Variants in SUPT5H observed in about 807,000 individuals in gnomAD.
The protein encoded by SUPT5H is transcription elongation factor SPT5.
SUPT5H carries 24 observed loss-of-function variants against 142.5 expected under a neutral mutation model. That is an observed-to-expected ratio of 0.17 (90% confidence interval 0.12 to 0.24). SUPT5H has a LOEUF of 0.24. Among genes scored for constraint, SUPT5H ranks in the 10% least tolerant of loss-of-function variants. SUPT5H has a pLI of 1.00. For missense variants in SUPT5H, 893 were observed against 1,471.8 expected (o/e 0.61, Z 6.43); for synonymous variants, 546 against 553.0 (o/e 0.99, Z 0.18).
In SUPT5H at chr19:39,445,853, C is replaced by G. The variant is rs370102876; in HGVS notation, c.-38C>G. The G allele has an allele frequency of 6.2e-7, 1 of 1,607,500 alleles. No homozygotes were observed. The stretch of plus-strand genomic sequence containing the variant: ...CGGGGTGGAGCGCAGGATTGTGGGA[C>G]GCGCCAAGGCTGCTGTCTTTCCCAG... On this transcript the variant is annotated 5_prime_UTR_variant, in exon 2 of 30. Transcript: ENST00000432763.
Position 39,445,981 on chromosome 19 carries a change from G to C in SUPT5H, c.75+16G>C, listed in dbSNP as rs112239537. The C allele has an allele frequency of 6.2e-7, 1 of 1,608,830 alleles. No individual in the cohort carries two copies. Among genetic ancestry groups the C allele is most frequent in the African/African-American group, 1.3e-5 (1 of 75,020 alleles). ...GGAGGCCGAGGTCTGTGGCTGGGGC[G>C]CTGGGGGAGACATTGCGTCTGGGGA... is the stretch of plus-strand genomic sequence containing the variant. On this transcript the variant is annotated intron_variant, in intron 2 of 29. Transcript: ENST00000432763.
intron 11 of SUPT5H, among the ~76,000 whole-genome samples, chr19:39,465,360 G>A (rs2079220684): frequency 6.6e-6 from 1 of 152,224 alleles, no homozygotes; most frequent in Non-Finnish European, 1.5e-5. Flanking sequence ...AGCAGGGATG[G>A]CGTGAGATGA....
Position 39,445,585 on chromosome 19 carries a change from C to G in SUPT5H, c.-140C>G, listed in dbSNP as rs1466192895. 5.1e-6 allele frequency: 2 copies of G among 390,382 alleles called. No homozygotes were observed. Among genetic ancestry groups the G allele is most frequent in the Non-Finnish European group, 9.7e-6 (2 of 205,780 alleles). The allele number at this position is 390,382 out of a possible 1,614,324, so 24.2% of individuals were successfully genotyped here. A position where few individuals can be genotyped will look rare whatever the true frequency, so the allele number is the denominator to read the frequency against. ...CGCGAGAGGACCCGTCAGCCCCAGT[C>G]AGGCGTCGTGCGAACAGCAGCTGGT... On this transcript the variant is annotated 5_prime_UTR_variant, in exon 1 of 30. Transcript: ENST00000432763.
intron 10 of SUPT5H, 113 bp from the exon 11 acceptor site, chr19:39,464,685 G>A: frequency 6.9e-7 from 1 of 1,440,454 alleles, no homozygotes; most frequent in Non-Finnish European, 9.4e-7. Flanking sequence ...CATTGTGCCA[G>A]TGTGTTTCTG....
Position 39,466,842 on chromosome 19 carries a change from G to T in SUPT5H, c.1037+97G>T. On this transcript the variant is annotated intron_variant, in intron 13 of 29. Coordinates refer to ENST00000432763, the MANE Select transcript of SUPT5H (RefSeq NM_001111020.3). This position sits in a 1 kb window ranked among gnomAD's most constrained non-coding sequence, Gnocchi z 4.3. ...CTCCCCAGGGGTGGCCCCGCCACAGGTTTAGCCTGTGAATTGGTTAGCTTG... is the reference window on the plus strand; with the variant it reads ...CTCCCCAGGGGTGGCCCCGCCACAGTTTTAGCCTGTGAATTGGTTAGCTTG... 2 of 1,189,064 alleles carry T rather than the reference G, an allele frequency of 1.7e-6. No homozygotes were observed. The highest frequency in any genetic ancestry group is 2.5e-6 in the Non-Finnish European group (2 of 798,758). 73.7% of individuals were successfully genotyped at this position (1,189,064 alleles called of 1,614,324 possible).
In SUPT5H at chr19:39,466,400, C is replaced by A; in HGVS notation, c.877-80C>A. On this transcript the variant is annotated intron_variant, in intron 11 of 29. Coordinates refer to ENST00000432763, the MANE Select transcript of SUPT5H (RefSeq NM_001111020.3). This position sits in a 1 kb window ranked among gnomAD's most constrained non-coding sequence, Gnocchi z 4.3. ...CACCATCCTGCGTCCCTTCTCCTTC[C>A]TAGCATCTCCTGACCCTTCTTGTGT... The A allele has an allele frequency of 7.4e-7, 1 of 1,359,518 alleles. No homozygotes were observed. The highest frequency in any genetic ancestry group is 1.0e-6 in the Non-Finnish European group (1 of 954,014). The allele number at this position is 1,359,518 out of a possible 1,614,324, so 84.2% of individuals were successfully genotyped here.
intron 28 of SUPT5H, 159 bp from the exon 29 acceptor site, chr19:39,475,922 C>A: frequency 1.5e-6 from 1 of 646,578 alleles, no homozygotes; most frequent in Non-Finnish European, 2.7e-6. Context: ...ACATGCACCA[C>A]AGGCCCCAGG....
chr19:39,453,253 A>G, intron 2 of SUPT5H, 103 bp from the exon 3 acceptor site: 4 of 1,393,062 alleles, frequency 2.9e-6, no homozygotes, highest in Non-Finnish European at 3.8e-6. Flanking sequence ...GTGGGCTATG[A>G]TTGGCCAGGC....
chr19:39,452,622 G>T (rs1055968442), intron 2 of SUPT5H, among the ~76,000 whole-genome samples: 1 of 152,150 alleles, frequency 6.6e-6, no homozygotes, highest in African/African-American at 2.4e-5. Flanking sequence ...ATCTTCGTGA[G>T]CAGTGTGGAC....
intron 1 of SUPT5H, 38 bp downstream of exon 1, chr19:39,445,675 G>A: frequency 1.7e-6 from 1 of 587,896 alleles, no homozygotes; most frequent in Admixed American, 2.9e-5. Flanking sequence ...CCGGGCGCCG[G>A]GGAGGTGTAG....
At chr19:39,448,429 G>A (rs755806920) in intron 2 of SUPT5H, among the ~76,000 whole-genome samples, 3 of 152,166 alleles carry the variant, frequency 2.0e-5, no homozygotes, top group Non-Finnish European at 4.4e-5. Flanking sequence ...CTGATTCATG[G>A]CTTGGAGACA....
intron 28 of SUPT5H, chr19:39,475,329 G>C (rs868290090): frequency 1.8e-4 from 28 of 152,616 alleles, no homozygotes; most frequent in Middle Eastern, 3.4e-3. Context: ...CCCAGGAGGT[G>C]GAGGTTGTGG....
intron 9 of SUPT5H, 49 bp downstream of exon 9, chr19:39,459,638 G>T (rs757055436): frequency 2.5e-6 from 4 of 1,606,752 alleles, no homozygotes; most frequent in Non-Finnish European, 3.4e-6. Flanking sequence ...AATGAGGGAG[G>T]CTGCTTTGTG....
chr19:39,465,744 G>A (rs2079226669), intron 11 of SUPT5H, among the ~76,000 whole-genome samples: 1 of 152,192 alleles, frequency 6.6e-6, no homozygotes, highest in African/African-American at 2.4e-5. Flanking sequence ...CCTGGAGGGG[G>A]CCATGGGCAA....
At position 39,469,624 on chromosome 19, in the gene SUPT5H, A is replaced by G. The variant is rs763506647; in HGVS notation, c.1374+226A>G. 36 of 623,432 alleles carry G rather than the reference A, an allele frequency of 5.8e-5. No homozygotes were observed. The highest frequency in any genetic ancestry group is 8.3e-5 in the Non-Finnish European group (30 of 360,094). 38.6% of individuals were successfully genotyped at this position (623,432 alleles called of 1,614,324 possible). A position where few individuals can be genotyped will look rare whatever the true frequency, so the allele number is the denominator to read the frequency against. ...CTGTCTCTGGAGAGTGACTTGGTCTATCTTTTGTTTCTGAAAAGCAAGATA... is the reference window on the plus strand; with the variant it reads ...CTGTCTCTGGAGAGTGACTTGGTCTGTCTTTTGTTTCTGAAAAGCAAGATA... On this transcript the variant is annotated intron_variant, in intron 16 of 29. Coordinates refer to ENST00000432763, the MANE Select transcript of SUPT5H (RefSeq NM_001111020.3). The surrounding 1 kb of genome is among the most constrained non-coding windows in gnomAD (Gnocchi z 5.1).
chr19:39,454,600 A>G (rs562710185), intron 3 of SUPT5H, among the ~76,000 whole-genome samples: 170 of 151,986 alleles, frequency 1.1e-3, no homozygotes, highest in African/African-American at 4.0e-3. Context: ...CTGGCCTCCC[A>G]AAGTGCTGAG....
At chr19:39,450,870 A>T (rs2079012636) in intron 2 of SUPT5H, among the ~76,000 whole-genome samples, 1 of 152,216 alleles carries the variant, frequency 6.6e-6, no homozygotes, top group African/African-American at 2.4e-5. Flanking sequence ...CCTTAGGCTT[A>T]GAGCCTGCAG....
At chr19:39,454,800 G>A (rs2079067091) in intron 3 of SUPT5H, among the ~76,000 whole-genome samples, 1 of 152,126 alleles carries the variant, frequency 6.6e-6, no homozygotes, top group Non-Finnish European at 1.5e-5. Flanking sequence ...TGTTTTCCTG[G>A]GACTGTTTTA....
Position 39,458,231 on chromosome 19 carries a change from C to CCCACCACCACCACCACCACCACCA in SUPT5H, c.308-42_308-19dup. 7.3e-7 allele frequency: 1 copy of CCCACCACCACCACCACCACCACCA among 1,364,014 alleles called. No homozygotes were observed. The highest frequency in any genetic ancestry group is 9.8e-7 in the Non-Finnish European group (1 of 1,020,760). The allele number at this position is 1,364,014 out of a possible 1,614,324, so 84.5% of individuals were successfully genotyped here. Reference sequence around the variant, plus strand: ...TTGGCTCATACTTTGTCTGCCCTCGCCCACCACCACCACCACCACCACCAC... The same window carrying CCCACCACCACCACCACCACCACCA: ...TTGGCTCATACTTTGTCTGCCCTCGCCCACCACCACCACCACCACCACCACCACCACCACCACCACCACCACCAC... On this transcript the variant is annotated intron_variant, in intron 4 of 29. Coordinates refer to ENST00000432763, the MANE Select transcript of SUPT5H (RefSeq NM_001111020.3). The surrounding 1 kb of genome is among the most constrained non-coding windows in gnomAD (Gnocchi z 4.2).
Sources: gnomAD v4.1 joint callset for allele counts (sites outside exome capture counted in the v4.1 genomes callset) on GRCh38, gnomAD v4.1.1 for gene constraint, Gnocchi (gnomAD v3.1) non-coding constraint, MANE v1.5 for transcripts, NCBI Gene and HGNC (gene_info 2026-07-23, HGNC 2026-07-21) for gene names.